The following MBP variants were observed in gnomAD, a reference collection of about 807,000 sequenced individuals.
MBP encodes the protein Golli-MBP.
In MBP, 16 loss-of-function variants were observed where a neutral mutation model predicts 35.8. The ratio of observed to expected loss-of-function variants is 0.45; its 90% CI spans 0.30 to 0.68. MBP has a LOEUF of 0.68. MBP is among the 30% of genes least tolerant of loss of function. MBP has a pLI of 0.08. For missense variants in MBP, 380 were observed against 404.7 expected, an observed-to-expected ratio of 0.94 and a Z score of 0.52; for synonymous variants, 143 against 159.6, an observed-to-expected ratio of 0.90 and a Z score of 0.78.
rs577965695 is a variant in MBP at position 77,131,839 on chromosome 18, G to A, written c.-26+741C>T. Among the ~76,000 whole-genome samples, 1 of 152,194 alleles carries A rather than the reference G, an allele frequency of 6.6e-6. No individual in the cohort carries two copies. The highest frequency in any genetic ancestry group is 2.1e-4 in the South Asian group (1 of 4,828). ...GGGGACTGCCGGGAAGACCCGGGCG[G>A]GCCGGCGGGCGGCTGCGGGCGGCGC... On this transcript the variant is annotated intron_variant, in intron 1 of 8. Transcript: ENST00000355994. This position sits in a 1 kb window ranked among gnomAD's most constrained non-coding sequence, Gnocchi z 5.5.
intron 1 of MBP, among the ~76,000 whole-genome samples, chr18:77,127,075 A>G (rs1180507244): frequency 6.6e-6 from 1 of 152,238 alleles, no homozygotes; most frequent in Admixed American, 6.5e-5. Context: ...AATAGCTAAC[A>G]TAAGTTTTAT....
intron 3 of MBP, among the ~76,000 whole-genome samples, chr18:77,034,298 T>C (rs1409444015): frequency 6.6e-6 from 1 of 152,102 alleles, no homozygotes; most frequent in Non-Finnish European, 1.5e-5. Context: ...GGGCCCATTC[T>C]ACAGTCTACA....
At position 77,059,685 on chromosome 18, in the gene MBP, C is replaced by CCAAGTGGA. The variant is rs1272038684; in HGVS notation, c.139+6612_139+6613insTCCACTTG. Among the ~76,000 whole-genome samples the CCAAGTGGA allele has an allele frequency of 8.5e-5, 13 of 152,220 alleles. No homozygotes were observed. The South Asian group carries it at 2.3e-3, about 27-fold the overall frequency. ...AAAAGCAGACATGGATCTTGAGAAGCCATTTGGTATGTCCACTTCAGTGCT... is the reference window on the plus strand; with the variant it reads ...AAAAGCAGACATGGATCTTGAGAAGCCAAGTGGACATTTGGTATGTCCACTTCAGTGCT... On this transcript the variant is annotated intron_variant, in intron 3 of 8. Coordinates refer to ENST00000355994, the MANE Select transcript of MBP (RefSeq NM_001025101.2).
intron 3 of MBP, among the ~76,000 whole-genome samples, chr18:77,023,615 G>A (rs1972079571): frequency 6.6e-6 from 1 of 152,108 alleles, no homozygotes; most frequent in Admixed American, 6.5e-5. Flanking sequence ...CTCATTCTAT[G>A]AGCTCCAAGG....
intron 3 of MBP, among the ~76,000 whole-genome samples, chr18:77,042,850 T>C (rs1973074645): frequency 6.6e-6 from 1 of 152,186 alleles, no homozygotes; most frequent in Non-Finnish European, 1.5e-5. Context: ...TAAAAGCTCT[T>C]CAAGTGAGGA....
intron 2 of MBP, among the ~76,000 whole-genome samples, chr18:77,092,884 TG>T (rs1975594008): frequency 6.6e-6 from 1 of 152,126 alleles, no homozygotes; most frequent in Admixed American, 6.5e-5. Context: ...CCCTGCTCAG[TG>T]GGGAACACAC....
chr18:77,018,642 A>ATCCAC (rs1971812061), intron 3 of MBP, among the ~76,000 whole-genome samples: 1 of 140,094 alleles, frequency 7.1e-6, no homozygotes, highest in Non-Finnish European at 1.5e-5. Context: ...CCATCCATCC[A>ATCCAC]CATATCAGTC....
intron 7 of MBP, chr18:76,986,237 T>C (rs1412331897): frequency 1.1e-5 from 11 of 985,362 alleles, no homozygotes; most frequent in Admixed American, 1.2e-4. Flanking sequence ...CAACAAGAAA[T>C]GGGAGACTGT....
chr18:77,041,002 G>A (rs1018181151), intron 3 of MBP, among the ~76,000 whole-genome samples: 11 of 151,634 alleles, frequency 7.3e-5, no homozygotes, highest in African/African-American at 2.7e-4. Flanking sequence ...GCAACCTACA[G>A]AATGGGAGAA....
At chr18:77,050,522 GTAC>G (rs1461849302) in intron 3 of MBP, among the ~76,000 whole-genome samples, 1 of 152,126 alleles carries the variant, frequency 6.6e-6, no homozygotes, top group Non-Finnish European at 1.5e-5. Flanking sequence ...TGCCTCGCAG[GTAC>G]TACTGACTGA....
chr18:77,024,166 A>C (rs959136194), intron 3 of MBP, among the ~76,000 whole-genome samples: 14 of 152,248 alleles, frequency 9.2e-5, no homozygotes, highest in African/African-American at 3.1e-4. Flanking sequence ...CCTGCAGCCC[A>C]CAGGCCGCAT....
Position 77,059,987 on chromosome 18 carries a change from C to T in MBP, c.139+6311G>A, listed in dbSNP as rs146059837. On this transcript the variant is annotated intron_variant, in intron 3 of 8. Transcript: ENST00000355994. ...AAAGGCCCTAGCCCTCCAGGCAAGA[C>T]GGAATAGACTCTTTGTGGCAATAAG... 3.2e-3 allele frequency among the ~76,000 whole-genome samples: 486 copies of T among 152,264 alleles called. 7 individuals are homozygous for T. The highest frequency in any genetic ancestry group is 0.011 in the African/African-American group (472 of 41,530).
chr18:77,072,679 C>T (rs1223823061), intron 2 of MBP, among the ~76,000 whole-genome samples: 1 of 152,174 alleles, frequency 6.6e-6, no homozygotes, highest in African/African-American at 2.4e-5. Flanking sequence ...TTTCTCAGAA[C>T]CATCAAAGCC....
intron 1 of MBP, chr18:77,127,776 G>C (rs1977102012): frequency 6.6e-6 from 1 of 151,944 alleles, no homozygotes; most frequent in African/African-American, 2.4e-5. Flanking sequence ...TACATAAAAA[G>C]GTCTTGATGT....
chr18:77,059,700 A>G (rs1274580874), intron 3 of MBP, among the ~76,000 whole-genome samples: 1 of 152,332 alleles, frequency 6.6e-6, no homozygotes, highest in South Asian at 2.1e-4. Context: ...TGGTATGTCC[A>G]CTTCAGTGCT....
intron 7 of MBP, chr18:76,985,306 G>A (rs955633265): frequency 5.4e-6 from 7 of 1,298,786 alleles, no homozygotes; most frequent in Non-Finnish European, 7.0e-6. Flanking sequence ...ACCCTGGGGG[G>A]CTGTGCGCTG....
At chr18:77,130,625 A>G (rs1178371120) in intron 1 of MBP, among the ~76,000 whole-genome samples, 1 of 152,112 alleles carries the variant, frequency 6.6e-6, no homozygotes, top group Admixed American at 6.5e-5. Flanking sequence ...AAAATAACTT[A>G]CAATTAACAT....
chr18:77,021,260 C>G (rs966016012), intron 3 of MBP, among the ~76,000 whole-genome samples: 15 of 152,186 alleles, frequency 9.9e-5, no homozygotes, highest in African/African-American at 2.9e-4. Context: ...GACCCCCGCT[C>G]TGGTGCACAC....
intron 3 of MBP, among the ~76,000 whole-genome samples, chr18:77,032,927 A>G (rs1248760565): frequency 6.6e-6 from 1 of 152,306 alleles, no homozygotes; most frequent in East Asian, 1.9e-4. Flanking sequence ...TTGGACTTTT[A>G]GAAAAGGTCT....
Sources: gnomAD v4.1 joint callset for allele counts (sites outside exome capture counted in the v4.1 genomes callset) on GRCh38, gnomAD v4.1.1 for gene constraint, Gnocchi (gnomAD v3.1) non-coding constraint, MANE v1.5 for transcripts, NCBI Gene and HGNC (gene_info 2026-07-23, HGNC 2026-07-21) for gene names.